DROSHA: variants seen among roughly 807,000 people sequenced by gnomAD.
DROSHA encodes ribonuclease 3.
A neutral mutation model predicts 181.9 loss-of-function variants in DROSHA; 56 were observed. That is an observed-to-expected ratio of 0.31 (90% CI 0.25 to 0.38). The LOEUF is 0.38. Among genes scored for constraint, DROSHA ranks in the 10% least tolerant of loss-of-function variants. The pLI, the probability that DROSHA is intolerant of heterozygous loss-of-function variation, is 1.00. For missense variants in DROSHA, 1,218 were observed against 1,743.5 expected, an observed-to-expected ratio of 0.70 and a Z score of 5.37; for synonymous variants, 524 against 591.2, an observed-to-expected ratio of 0.89 and a Z score of 1.65.
rs193193678 is a variant in DROSHA at position 31,452,869 on chromosome 5, T to C, written c.2575-1229A>G. ...TTGTTTTTGCCATTAAAGCTAGAAA[T>C]ATGCCATTAGGATTTGAATTATCGG... On this transcript the variant is annotated intron_variant, in intron 20 of 35. Coordinates refer to ENST00000344624, the MANE Select transcript of DROSHA (RefSeq NM_001382508.1). 3.8e-3 allele frequency among the ~76,000 whole-genome samples: 575 copies of C among 152,340 alleles called. 4 individuals are homozygous for C. Among genetic ancestry groups the C allele is most frequent in the Non-Finnish European group, 5.3e-3 (361 of 68,024 alleles).
Position 31,515,523 on chromosome 5 carries a change from G to A in DROSHA, c.989C>T (p.Thr330Ile). The A allele has an allele frequency of 6.5e-7, 1 of 1,536,062 alleles. No individual in the cohort carries two copies. Among genetic ancestry groups the A allele is most frequent in the Non-Finnish European group, 8.8e-7 (1 of 1,132,582 alleles). ...LSVVPEPAGCTPELPGEIIKN... is the reference protein window; with the variant it reads ...LSVVPEPAGCIPELPGEIIKN... ...AATAATCTCCCCAGGTAATTCTGGTGTGCATCCAGCAGGTTCAGGAACAAC... is the reference window on the plus strand; with the variant it reads ...AATAATCTCCCCAGGTAATTCTGGTATGCATCCAGCAGGTTCAGGAACAAC... The change falls in exon 7 of 36, where the codon ACA (threonine) becomes ATA (isoleucine). Residue 330 changes from threonine (T) to isoleucine (I), a missense_variant. This residue lies in a region of DROSHA where 536 missense variants were observed against 535.4 expected (regional missense o/e 1.00). Coordinates refer to ENST00000344624, the MANE Select transcript of DROSHA (RefSeq NM_001382508.1).
At chr5:31,483,946 C>T (rs4867331) in intron 15 of DROSHA, among the ~76,000 whole-genome samples, 16,683 of 152,140 alleles carry the variant, frequency 0.11, 1,197 homozygotes, top group East Asian at 0.22. Flanking sequence ...AATTGAATTA[C>T]TGCATGATAT....
chr5:31,466,655 T>G (rs567445302), intron 18 of DROSHA, among the ~76,000 whole-genome samples: 1 of 152,284 alleles, frequency 6.6e-6, no homozygotes, highest in South Asian at 2.1e-4. Flanking sequence ...TTCTGATATT[T>G]GTTGAAAGAA....
intron 19 of DROSHA, among the ~76,000 whole-genome samples, chr5:31,465,517 A>G (rs1305682190): frequency 6.6e-6 from 1 of 152,226 alleles, no homozygotes; most frequent in Non-Finnish European, 1.5e-5. Flanking sequence ...TTTAATATCT[A>G]TAAAAGATAT....
At chr5:31,430,725 T>G (rs146163034) in intron 26 of DROSHA, among the ~76,000 whole-genome samples, 4 of 152,176 alleles carry the variant, frequency 2.6e-5, no homozygotes, top group African/African-American at 9.7e-5. Flanking sequence ...ATAGACATAT[T>G]TGTGAAAAAC....
intron 23 of DROSHA, among the ~76,000 whole-genome samples, chr5:31,447,865 CA>C (rs1160047524): frequency 6.6e-6 from 1 of 152,046 alleles, no homozygotes; most frequent in Non-Finnish European, 1.5e-5. Flanking sequence ...CAAGTGTTGA[CA>C]AAAATGTGAA....
rs763926231 is a variant in DROSHA, at chr5:31,448,538, C to G, written c.2882+9G>C. On this transcript the variant is annotated intron_variant, in intron 23 of 35. Coordinates refer to ENST00000344624, the MANE Select transcript of DROSHA (RefSeq NM_001382508.1). ...ATCAATCAGGTTGTTTATTAAAAAT[C>G]AACTTTACCTCGAGGGAGTTGGGTC... The G allele has an allele frequency of 8.1e-6, 13 of 1,610,632 alleles. 1 individual carries two copies. The Admixed American group carries it at 2.2e-4, about 27-fold the overall frequency.
chr5:31,502,030 T>A (rs1224664679), intron 11 of DROSHA, among the ~76,000 whole-genome samples: 1 of 152,162 alleles, frequency 6.6e-6, no homozygotes, highest in Non-Finnish European at 1.5e-5. Flanking sequence ...TGCCAAGACA[T>A]CCCCTCCAAA....
intron 6 of DROSHA, among the ~76,000 whole-genome samples, chr5:31,515,983 T>C (rs774590833): frequency 3.9e-5 from 6 of 152,120 alleles, no homozygotes; most frequent in African/African-American, 7.2e-5. Context: ...CAGCTGGGCG[T>C]GGTGGCTCAC....
intron 30 of DROSHA, among the ~76,000 whole-genome samples, chr5:31,416,105 G>T (rs1211426044): frequency 6.6e-6 from 1 of 152,190 alleles, no homozygotes; most frequent in Non-Finnish European, 1.5e-5. Context: ...CTTTAAGTGT[G>T]CAAGGGAATG....
In DROSHA at chr5:31,473,116, T is replaced by C. The variant is rs149951723; in HGVS notation, c.2072-884A>G. On this transcript the variant is annotated intron_variant, in intron 16 of 35. Transcript: ENST00000344624. Reference sequence around the variant, plus strand: ...ACAATCATTACCCTCTCCCAGGTTATGAGATAGGCTATGAACAGTAGTACA... The same window carrying C: ...ACAATCATTACCCTCTCCCAGGTTACGAGATAGGCTATGAACAGTAGTACA... 1.6e-4 allele frequency among the ~76,000 whole-genome samples: 24 copies of C among 152,276 alleles called. No individual in the cohort carries two copies. The East Asian group carries it at 4.1e-3, about 26-fold the overall frequency.
chr5:31,503,831 A>G (rs1285147509), intron 11 of DROSHA, among the ~76,000 whole-genome samples: 3 of 152,216 alleles, frequency 2.0e-5, no homozygotes, highest in Non-Finnish European at 4.4e-5. Context: ...AAGTGATGCA[A>G]GTATTTCAAA....
chr5:31,497,845 A>C (rs1199768412), intron 11 of DROSHA, among the ~76,000 whole-genome samples: 1 of 152,202 alleles, frequency 6.6e-6, no homozygotes, highest in Non-Finnish European at 1.5e-5. Flanking sequence ...GATAAGTCTT[A>C]GTCACCAACT....
At chr5:31,522,810 G>A (rs1297709714) in intron 5 of DROSHA, among the ~76,000 whole-genome samples, 1 of 152,182 alleles carries the variant, frequency 6.6e-6, no homozygotes, top group East Asian at 1.9e-4. Context: ...AGTGTGCTTG[G>A]TGCACTACAT....
chr5:31,409,556 A>G lies in DROSHA; in HGVS notation c.3668-224T>C. 1.9e-6 allele frequency: 1 copy of G among 522,806 alleles called. No homozygotes were observed. The highest frequency in any genetic ancestry group is 3.5e-6 in the Non-Finnish European group (1 of 288,884). The allele number at this position is 522,806 out of a possible 1,614,324, so 32.4% of individuals were successfully genotyped here. A position where few individuals can be genotyped will look rare whatever the true frequency, so the allele number is the denominator to read the frequency against. On this transcript the variant is annotated intron_variant, in intron 31 of 35. Coordinates refer to ENST00000344624, the MANE Select transcript of DROSHA (RefSeq NM_001382508.1). The surrounding 1 kb of genome is among the most constrained non-coding windows in gnomAD (Gnocchi z 4.0). ...TCATAGAGTACAAACACCAAACTGCATTTAGCTAAGGGCTAAAGGAATAGC... is the reference window on the plus strand; with the variant it reads ...TCATAGAGTACAAACACCAAACTGCGTTTAGCTAAGGGCTAAAGGAATAGC...
chr5:31,466,350 AT>A, intron 18 of DROSHA, 69 bp from the exon 19 acceptor site: 1 of 1,279,780 alleles, frequency 7.8e-7, no homozygotes, highest in Non-Finnish European at 1.1e-6. Context: ...AAAACCAGTT[AT>A]TTTAAGAGGC....
intron 23 of DROSHA, among the ~76,000 whole-genome samples, chr5:31,446,180 C>G (rs993898493): frequency 2.0e-5 from 3 of 152,128 alleles, no homozygotes; most frequent in Admixed American, 6.5e-5. Flanking sequence ...GGCGTGGTGG[C>G]TCACGCCTGT....
At chr5:31,428,750 A>C (rs1445170864) in intron 27 of DROSHA, among the ~76,000 whole-genome samples, 1 of 152,174 alleles carries the variant, frequency 6.6e-6, no homozygotes, top group Admixed American at 6.5e-5. Flanking sequence ...TTATTGCTCC[A>C]TGAGGGCTAT....
In DROSHA at chr5:31,438,711, C is replaced by T. The variant is rs367557330; in HGVS notation, c.2883-1413G>A. 3.7e-4 allele frequency among the ~76,000 whole-genome samples: 57 copies of T among 152,138 alleles called. No individual in the cohort carries two copies. In the South Asian group the frequency reaches 0.012, roughly 31 times the overall value. ...GGCTAGGACACAGTTGCTAATGAAT[C>T]TTTAGGGTTAGTCAATGTTAGACAG... is the stretch of plus-strand genomic sequence containing the variant. On this transcript the variant is annotated intron_variant, in intron 23 of 35. Coordinates refer to ENST00000344624, the MANE Select transcript of DROSHA (RefSeq NM_001382508.1).
Sources: gnomAD v4.1 joint callset for allele counts (sites outside exome capture counted in the v4.1 genomes callset) on GRCh38, gnomAD v4.1.1 for gene constraint, gnomAD v4.1.1 regional missense constraint, Gnocchi (gnomAD v3.1) non-coding constraint, MANE v1.5 for transcripts, NCBI Gene and HGNC (gene_info 2026-07-23, HGNC 2026-07-21) for gene names.